Variants in GABBR2 observed in about 807,000 individuals in gnomAD.
The protein encoded by GABBR2 is gamma-aminobutyric acid type B receptor subunit 2, also known as G-protein coupled receptor 51.
Under a neutral mutation model 105.6 loss-of-function variants are expected in GABBR2, and 23 were observed. The observed-to-expected ratio is 0.22, with a 90% confidence interval of 0.16 to 0.31. GABBR2 has a LOEUF of 0.31. GABBR2 is among the 10% of genes least tolerant of loss of function. GABBR2 has a pLI of 1.00. For synonymous variants in GABBR2, 478 were observed against 499.7 expected (o/e 0.96, Z 0.58); for missense variants, 734 against 1,245.5 (o/e 0.59, Z 6.18).
intron 4 of GABBR2, among the ~76,000 whole-genome samples, chr9:98,488,638 T>G (rs1827110323): frequency 6.6e-6 from 1 of 152,040 alleles, no homozygotes; most frequent in Non-Finnish European, 1.5e-5. Flanking sequence ...TAGCACTTTT[T>G]TTTTTAACCG....
chr9:98,685,611 G>A (rs764915985), intron 1 of GABBR2, among the ~76,000 whole-genome samples: 41 of 152,182 alleles, frequency 2.7e-4, no homozygotes, highest in Middle Eastern at 3.2e-3. Context: ...CTCCAAATGG[G>A]CAGGTCTTCT....
At chr9:98,335,229 G>A (rs1010472576) in intron 13 of GABBR2, among the ~76,000 whole-genome samples, 1 of 152,138 alleles carries the variant, frequency 6.6e-6, no homozygotes, top group Admixed American at 6.5e-5. Flanking sequence ...GAGGGCCTGC[G>A]TAGCTCTTTG....
intron 1 of GABBR2, among the ~76,000 whole-genome samples, chr9:98,657,036 A>G (rs547630535): frequency 1.3e-5 from 2 of 152,376 alleles, no homozygotes; most frequent in South Asian, 2.1e-4. Flanking sequence ...CTGAGCCAAC[A>G]TTTTAAAAAT....
intron 2 of GABBR2, 33 bp downstream of exon 2, chr9:98,577,902 C>T (rs754225218): frequency 6.3e-7 from 1 of 1,576,948 alleles, no homozygotes; most frequent in East Asian, 2.3e-5. Flanking sequence ...ACCAAAGACA[C>T]CTCCCCACAA....
At chr9:98,633,559 G>A (rs1315102344) in intron 1 of GABBR2, among the ~76,000 whole-genome samples, 6 of 146,932 alleles carry the variant, frequency 4.1e-5, no homozygotes, top group African/African-American at 1.5e-4. Context: ...CGGAGGTGGA[G>A]GTTACAGTGA....
rs1432537692 is a variant in GABBR2, at chr9:98,361,344, A to G, written c.1893+1371T>C. ...ATTGCTGTGAGGATTAAATGAGTTA[A>G]CGCATGATACCAGCTGTCATCATCA... On this transcript the variant is annotated intron_variant, in intron 13 of 18. Coordinates refer to ENST00000259455, the MANE Select transcript of GABBR2 (RefSeq NM_005458.8). Among the ~76,000 whole-genome samples, 5 of 151,074 alleles carry G rather than the reference A, an allele frequency of 3.3e-5. No homozygotes were observed. In the East Asian group the frequency reaches 7.7e-4, roughly 23 times the overall value.
At chr9:98,448,181 T>G (rs1284688585) in intron 7 of GABBR2, among the ~76,000 whole-genome samples, 1 of 151,896 alleles carries the variant, frequency 6.6e-6, no homozygotes, top group Non-Finnish European at 1.5e-5. Flanking sequence ...GTCACTCTCT[T>G]TCCAACTGTG....
intron 7 of GABBR2, among the ~76,000 whole-genome samples, chr9:98,415,476 C>A (rs935539994): frequency 6.6e-6 from 1 of 152,138 alleles, no homozygotes; most frequent in Non-Finnish European, 1.5e-5. Flanking sequence ...ACAAAGAGAG[C>A]AATGAACAAG....
intron 11 of GABBR2, among the ~76,000 whole-genome samples, chr9:98,385,328 G>A (rs901687214): frequency 5.3e-5 from 8 of 152,148 alleles, no homozygotes; most frequent in African/African-American, 1.9e-4. Flanking sequence ...TCAGCCTCCT[G>A]AGAAGATGGG....
chr9:98,451,329 A>G (rs1056654044), intron 7 of GABBR2, among the ~76,000 whole-genome samples: 5 of 152,322 alleles, frequency 3.3e-5, no homozygotes, highest in Admixed American at 3.3e-4. Flanking sequence ...TTCTGAGAAT[A>G]AAAATAATTC....
At chr9:98,292,328 T>A (rs749017365) in intron 18 of GABBR2, among the ~76,000 whole-genome samples, 7 of 152,222 alleles carry the variant, frequency 4.6e-5, no homozygotes, top group Non-Finnish European at 8.8e-5. Flanking sequence ...AACTTCCCCA[T>A]GGAAACAAAA....
At chr9:98,308,124 C>T (rs1374781075) in intron 14 of GABBR2, among the ~76,000 whole-genome samples, 1 of 152,156 alleles carries the variant, frequency 6.6e-6, no homozygotes, top group Non-Finnish European at 1.5e-5. Flanking sequence ...ATTTTAGCTA[C>T]TTGGGAGGCT....
At position 98,554,276 on chromosome 9, in the gene GABBR2, G is replaced by A. The variant is rs114446921; in HGVS notation, c.460-12233C>T. On this transcript the variant is annotated intron_variant, in intron 2 of 18. Coordinates refer to ENST00000259455, the MANE Select transcript of GABBR2 (RefSeq NM_005458.8). The stretch of plus-strand genomic sequence containing the variant: ...CTTGGGAGGCTGAGGTAAGAGGACC[G>A]CTTGAGCCTAGGATTTAAGGGTGCA... Among the ~76,000 whole-genome samples, 615 of 152,088 alleles carry A rather than the reference G, an allele frequency of 4.0e-3. 5 individuals are homozygous for A. Among genetic ancestry groups the A allele is most frequent in the African/African-American group, 0.014 (574 of 41,468 alleles).
At chr9:98,594,765 C>A (rs888836589) in intron 1 of GABBR2, among the ~76,000 whole-genome samples, 4 of 152,248 alleles carry the variant, frequency 2.6e-5, no homozygotes, top group African/African-American at 9.6e-5. Flanking sequence ...AGCTCACAAG[C>A]CTGGTCCTCC....
intron 7 of GABBR2, among the ~76,000 whole-genome samples, chr9:98,446,285 T>C (rs1826127645): frequency 6.6e-6 from 1 of 152,180 alleles, no homozygotes; most frequent in African/African-American, 2.4e-5. Context: ...ATAATAGCAA[T>C]AATGATGATG....
intron 13 of GABBR2, among the ~76,000 whole-genome samples, chr9:98,334,400 C>T (rs773629408): frequency 4.6e-5 from 7 of 152,186 alleles, no homozygotes; most frequent in Non-Finnish European, 1.0e-4. Context: ...AAGGCTTGGG[C>T]TGGGTTCCAG....
chr9:98,342,042 G>C (rs146768918), intron 13 of GABBR2, among the ~76,000 whole-genome samples: 3 of 152,256 alleles, frequency 2.0e-5, no homozygotes, highest in African/African-American at 7.2e-5. Flanking sequence ...CATGGCCTTT[G>C]AGGAGGTCAC....
intron 2 of GABBR2, among the ~76,000 whole-genome samples, chr9:98,576,952 ATAGGTGAATGGGTGGG>A (rs372309278): frequency 1.5e-4 from 21 of 140,422 alleles, no homozygotes; most frequent in African/African-American, 4.3e-4. Flanking sequence ...GGATGGATGG[ATAGGTGAATGGGTGGG>A]TGGATGTATG....
intron 1 of GABBR2, among the ~76,000 whole-genome samples, chr9:98,640,989 C>T (rs1564138572): frequency 6.6e-6 from 1 of 152,182 alleles, no homozygotes; most frequent in East Asian, 1.9e-4. Flanking sequence ...TGATTCTCAA[C>T]CCTTAGCACA....
Sources: gnomAD v4.1 joint callset for allele counts (sites outside exome capture counted in the v4.1 genomes callset) on GRCh38, gnomAD v4.1.1 for gene constraint, MANE v1.5 for transcripts, NCBI Gene and HGNC (gene_info 2026-07-23, HGNC 2026-07-21) for gene names.